The following DNAH14 variants were observed in gnomAD, a reference collection of about 807,000 sequenced individuals.
The protein encoded by DNAH14 is dynein axonemal heavy chain 14.
In DNAH14, 478 loss-of-function variants were observed where a neutral mutation model predicts 520.9. The observed-to-expected ratio is 0.92, with a 90% CI of 0.85 to 0.99. The LOEUF (loss-of-function observed/expected upper bound fraction) is 0.99, where lower values mean the gene tolerates loss of function less well. DNAH14 is among the 50% of genes least tolerant of loss of function. The pLI, the probability that DNAH14 is intolerant of heterozygous loss-of-function variation, is 0.00. For missense variants in DNAH14, 4,831 were observed against 5,234.5 expected, an observed-to-expected ratio of 0.92 and a Z score of 2.38; for synonymous variants, 1,581 against 1,757.2, an observed-to-expected ratio of 0.90 and a Z score of 2.51.
intron 66 of DNAH14, among the ~76,000 whole-genome samples, chr1:225,335,851 ATG>A (rs1491222232): frequency 0.019 from 927 of 47,710 alleles, 129 homozygotes; most frequent in African/African-American, 0.069. Flanking sequence ...ACATACACAT[ATG>A]TACATATATG....
intron 26 of DNAH14, among the ~76,000 whole-genome samples, chr1:225,119,766 C>T (rs1027964801): frequency 8.5e-5 from 13 of 152,138 alleles, no homozygotes; most frequent in African/African-American, 2.4e-4. Flanking sequence ...AACCTCAGAG[C>T]GTGAACTTTC....
chr1:225,079,472 C>G lies in DNAH14; in HGVS notation c.2690C>G (p.Ala897Gly). 1 of 1,543,764 alleles carries G rather than the reference C, an allele frequency of 6.5e-7. No individual in the cohort carries two copies. The highest frequency in any genetic ancestry group is 8.7e-7 in the Non-Finnish European group (1 of 1,145,292). Reference sequence around the variant, plus strand: ...TTAAGTAAAATAAATAAAGACACTGCTATAACTAAATTCAGAGATAACTTG... The same window carrying G: ...TTAAGTAAAATAAATAAAGACACTGGTATAACTAAATTCAGAGATAACTTG... Reference protein sequence around the residue: ...MKLSKINKDTAITKFRDNLEA... With the variant: ...MKLSKINKDTGITKFRDNLEA... Residue 897 changes from alanine (A) to glycine (G), a missense_variant, in exon 18 of 86, where the codon GCT becomes GGT. Transcript: ENST00000682510.
intron 66 of DNAH14, among the ~76,000 whole-genome samples, chr1:225,335,864 TAC>T (rs1558437930): frequency 3.1e-5 from 2 of 64,474 alleles, no homozygotes; most frequent in African/African-American, 1.5e-4. Flanking sequence ...TACATATATG[TAC>T]ATACACATAT....
intron 10 of DNAH14, among the ~76,000 whole-genome samples, chr1:225,020,914 C>T (rs1379344499): frequency 4.6e-5 from 7 of 152,100 alleles, no homozygotes; most frequent in African/African-American, 7.2e-5. Context: ...AAATTATCAA[C>T]GTAGTACAGC....
chr1:225,144,187 G>A (rs2079707179), intron 28 of DNAH14, among the ~76,000 whole-genome samples: 1 of 152,116 alleles, frequency 6.6e-6, no homozygotes, highest in Admixed American at 6.5e-5. Flanking sequence ...ATGTTCACAT[G>A]TTTTTATTCT....
chr1:225,392,416 C>G lies in DNAH14; in HGVS notation c.13456C>G (p.Pro4486Ala). The G allele has an allele frequency of 6.4e-7, 1 of 1,551,942 alleles. No individual in the cohort carries two copies. The highest frequency in any genetic ancestry group is 8.7e-7 in the Non-Finnish European group (1 of 1,147,060). Residue 4486 changes from proline (P) to alanine (A), a missense_variant, in exon 84 of 86, where the codon CCA becomes GCA. By Grantham distance (27) the Pro-to-Ala change is conservative (BLOSUM62 -1). Coordinates refer to ENST00000682510, the MANE Select transcript of DNAH14 (RefSeq NM_001367479.1). ...DKDEKFSVFM[P>A]KKLNIVRRAF... ...GGATGAGAAGTTCTCCGTATTTATG[C>G]CAAAGAAACTCAACATAGTCAGGAG...
intron 54 of DNAH14, among the ~76,000 whole-genome samples, chr1:225,284,353 TAA>T (rs1036992320): frequency 3.9e-5 from 6 of 152,198 alleles, no homozygotes; most frequent in Non-Finnish European, 5.9e-5. Flanking sequence ...AAAAAGATTA[TAA>T]GAGAATACTA....
At chr1:225,231,248 G>T (rs1264904733) in intron 42 of DNAH14, 97 bp downstream of exon 42, 8 of 794,834 alleles carry the variant, frequency 1.0e-5, no homozygotes, top group East Asian at 6.1e-5. Context: ...CAATACTTTT[G>T]TATTTTCATA....
At chr1:225,323,427 T>C (rs1311014924) in intron 62 of DNAH14, among the ~76,000 whole-genome samples, 1 of 152,124 alleles carries the variant, frequency 6.6e-6, no homozygotes, top group African/African-American at 2.4e-5. Context: ...TAACAAAGGC[T>C]TTTTCTCTCC....
chr1:225,265,293 C>T lies in DNAH14; in HGVS notation c.7334C>T (p.Ala2445Val), dbSNP rs2093071048. 6.5e-7 allele frequency: 1 copy of T among 1,543,986 alleles called. No homozygotes were observed. Among genetic ancestry groups the T allele is most frequent in the African/African-American group, 1.4e-5 (1 of 72,462 alleles). ...TINFSTNVTA[A>V]KTKEMILKKL... ...AATTTTAGCACCAATGTAACAGCTG[C>T]CAAAACCAAGGAGATGATTCTTAAG... The change falls in exon 48 of 86, where the codon GCC becomes GTC. Residue 2445 changes from alanine (A) to valine (V), a missense_variant. Transcript: ENST00000682510.
chr1:225,367,944 G>GT lies in DNAH14; in HGVS notation c.12236dup (p.Asn4080GlnfsTer6). 1 of 1,551,564 alleles carries GT rather than the reference G, an allele frequency of 6.4e-7. No homozygotes were observed. Among genetic ancestry groups the GT allele is most frequent in the Non-Finnish European group, 8.7e-7 (1 of 1,146,920 alleles). ...TGGAAAAAACTTTTATTTAGCCTAT[G>GT]TTTTTTCAATGCTGTAATCAATGAA... On this transcript the variant is annotated frameshift_variant, in exon 77 of 86. Transcript: ENST00000682510. LOFTEE classifies it high-confidence loss of function.
At chr1:225,025,513 C>G (rs777252327) in intron 11 of DNAH14, among the ~76,000 whole-genome samples, 20 of 151,338 alleles carry the variant, frequency 1.3e-4, no homozygotes, top group Non-Finnish European at 2.5e-4. Context: ...GGGAGGATCA[C>G]TTGAGTCCAG....
At chr1:225,071,939 TGGGTGG>T (rs2071597623) in intron 17 of DNAH14, among the ~76,000 whole-genome samples, 1 of 152,182 alleles carries the variant, frequency 6.6e-6, no homozygotes, top group South Asian at 2.1e-4. Flanking sequence ...AGGTGAGATT[TGGGTGG>T]GGACACAGCC....
At position 225,206,996 on chromosome 1, in the gene DNAH14, A is replaced by G. The variant is rs750926176; in HGVS notation, c.6215A>G (p.Tyr2072Cys). The G allele has an allele frequency of 5.2e-6, 8 of 1,533,028 alleles. No homozygotes were observed. The highest frequency in any genetic ancestry group is 7.0e-6 in the Non-Finnish European group (8 of 1,139,210). The allele number at this position is 1,533,028 out of a possible 1,614,324, so 95.0% of individuals were successfully genotyped here. ...MDPVDLGWEP[Y>C]VKSWLLKTSK... ...CCTGTTGATCTGGGATGGGAACCTT[A>G]TGTTAAGTCATGGCTTCTGAAAACT... The change falls in exon 41 of 86, where the codon TAT becomes TGT. Residue 2072 changes from tyrosine to cysteine, a missense_variant. Transcript: ENST00000682510.
intron 60 of DNAH14, among the ~76,000 whole-genome samples, chr1:225,316,114 GC>G (rs1156913753): frequency 6.6e-6 from 1 of 152,224 alleles, no homozygotes; most frequent in Non-Finnish European, 1.5e-5. Flanking sequence ...GGTCGGCTCT[GC>G]CCAGTCCAAA....
At chr1:225,131,639 CAT>C (rs1240355899) in intron 27 of DNAH14, among the ~76,000 whole-genome samples, 1 of 152,160 alleles carries the variant, frequency 6.6e-6, no homozygotes, top group Admixed American at 6.6e-5. Context: ...TTTAAGGTGA[CAT>C]ATTCACAGGT....
chr1:225,126,291 T>G (rs2077710366), intron 27 of DNAH14, among the ~76,000 whole-genome samples: 1 of 152,144 alleles, frequency 6.6e-6, no homozygotes, highest in African/African-American at 2.4e-5. Flanking sequence ...AAAATGCAGT[T>G]CCTCCTTGTA....
At chr1:225,174,066 A>G (rs1232540069) in intron 36 of DNAH14, among the ~76,000 whole-genome samples, 1 of 152,102 alleles carries the variant, frequency 6.6e-6, no homozygotes, top group Non-Finnish European at 1.5e-5. Flanking sequence ...AACAATGAGA[A>G]CACATGGACA....
chr1:225,283,120 A>C (rs2093662098), intron 54 of DNAH14, among the ~76,000 whole-genome samples: 1 of 151,962 alleles, frequency 6.6e-6, no homozygotes, highest in Non-Finnish European at 1.5e-5. Flanking sequence ...TTTATTTAAC[A>C]CAAAAGAATG....
Sources: allele counts gnomAD v4.1 joint callset (sites outside exome capture counted in the v4.1 genomes callset), GRCh38; gene constraint gnomAD v4.1.1; transcripts MANE v1.5; gene names NCBI Gene and HGNC (gene_info 2026-07-23, HGNC 2026-07-21).